Variants in SPIDR observed in about 807,000 individuals in gnomAD.
The protein encoded by SPIDR is DNA repair-scaffolding protein.
Under a neutral mutation model 104.6 loss-of-function variants are expected in SPIDR, and 93 were observed. The observed-to-expected ratio is 0.89, with a 90% CI of 0.75 to 1.06. SPIDR has a LOEUF of 1.06. Among genes scored for constraint, SPIDR ranks in the 50% least tolerant of loss-of-function variants. The probability of loss-of-function intolerance (pLI) is 0.00; values close to 1 mark genes in which losing one functional copy is unlikely to be tolerated. For missense variants in SPIDR, 1,154 were observed against 1,111.2 expected, an observed-to-expected ratio of 1.04 and a Z score of -0.55; for synonymous variants, 431 against 416.9, an observed-to-expected ratio of 1.03 and a Z score of -0.41.
chr8:47,567,189 T>C (rs1172595019), intron 8 of SPIDR, among the ~76,000 whole-genome samples: 2 of 151,800 alleles, frequency 1.3e-5, no homozygotes, highest in African/African-American at 4.8e-5. Flanking sequence ...AAATGGGGAT[T>C]ACACTGGTTT....
In SPIDR at chr8:47,280,095, C is replaced by T. The variant is rs1303210253; in HGVS notation, c.189+78C>T. 2.9e-6 allele frequency: 4 copies of T among 1,382,228 alleles called. No homozygotes were observed. In the African/African-American group the frequency reaches 5.7e-5, roughly 20 times the overall value. 85.6% of individuals were successfully genotyped at this position (1,382,228 alleles called of 1,614,324 possible). On this transcript the variant is annotated intron_variant, in intron 2 of 19. Transcript: ENST00000297423. The stretch of plus-strand genomic sequence containing the variant: ...TGTTCAGAACATTGTAATTACATTT[C>T]ATTGTAATTCCCTTTCTTATTCTTT...
chr8:47,527,224 C>G (rs1383039957), intron 8 of SPIDR, among the ~76,000 whole-genome samples: 1 of 152,092 alleles, frequency 6.6e-6, no homozygotes, highest in African/African-American at 2.4e-5. Context: ...ACTGTTTTAC[C>G]AGAGTCTGAC....
chr8:47,491,614 A>G (rs2078724266), intron 8 of SPIDR, among the ~76,000 whole-genome samples: 1 of 152,140 alleles, frequency 6.6e-6, no homozygotes, highest in Non-Finnish European at 1.5e-5. Flanking sequence ...CAAATACAGT[A>G]AACGTGCTGA....
chr8:47,582,909 C>T (rs565089489), intron 8 of SPIDR, among the ~76,000 whole-genome samples: 5 of 151,392 alleles, frequency 3.3e-5, no homozygotes, highest in African/African-American at 9.7e-5. Flanking sequence ...CACACACACA[C>T]GTATATTTTT....
intron 10 of SPIDR, chr8:47,660,865 C>G: frequency 1.3e-6 from 1 of 760,434 alleles, no homozygotes; most frequent in Non-Finnish European, 1.6e-6. Context: ...GAGAGGGAAC[C>G]CTATTTTCTT....
At chr8:47,434,187 G>A (rs782778342) in intron 7 of SPIDR, among the ~76,000 whole-genome samples, 4 of 152,192 alleles carry the variant, frequency 2.6e-5, no homozygotes, top group Non-Finnish European at 5.9e-5. Context: ...GGTAACCAGT[G>A]TTAGAGTGTT....
chr8:47,709,265 C>T (rs1434344721), intron 14 of SPIDR, among the ~76,000 whole-genome samples: 9 of 152,140 alleles, frequency 5.9e-5, no homozygotes, highest in Admixed American at 5.9e-4. Flanking sequence ...CTCCACCTCC[C>T]GAGTAGCTGG....
intron 8 of SPIDR, among the ~76,000 whole-genome samples, chr8:47,524,520 C>T (rs2084680214): frequency 1.3e-5 from 2 of 152,178 alleles, no homozygotes; most frequent in African/African-American, 4.8e-5. Flanking sequence ...CGAGGAACTG[C>T]AGGCTCTCAG....
chr8:47,327,557 C>T (rs1306765115), intron 5 of SPIDR, among the ~76,000 whole-genome samples: 1 of 151,946 alleles, frequency 6.6e-6, no homozygotes, highest in Non-Finnish European at 1.5e-5. Context: ...CGCACCAGCA[C>T]ACTTGGCTAA....
chr8:47,280,394 A>AT (rs11435263), intron 2 of SPIDR, among the ~76,000 whole-genome samples: 71,743 of 138,676 alleles, frequency 0.52, 21,616 homozygotes, highest in African/African-American at 0.85. Flanking sequence ...TGCCTGGCTA[A>AT]TTTTTTTTTT....
intron 8 of SPIDR, among the ~76,000 whole-genome samples, chr8:47,447,214 G>A (rs2154346600): frequency 6.6e-6 from 1 of 152,210 alleles, no homozygotes; most frequent in East Asian, 1.9e-4. Context: ...TTTCTGTTTT[G>A]TTTTGTTTTG....
chr8:47,538,180 A>G (rs2087302141), intron 8 of SPIDR, among the ~76,000 whole-genome samples: 1 of 152,158 alleles, frequency 6.6e-6, no homozygotes. Flanking sequence ...GTCTCAAAAT[A>G]AAAATAAAGA....
At chr8:47,692,998 A>C (rs1219233447) in intron 11 of SPIDR, among the ~76,000 whole-genome samples, 1 of 152,176 alleles carries the variant, frequency 6.6e-6, no homozygotes, top group Non-Finnish European at 1.5e-5. Flanking sequence ...TCATTTTACC[A>C]TCCCACCAGC....
intron 8 of SPIDR, among the ~76,000 whole-genome samples, chr8:47,530,043 A>G (rs995691720): frequency 6.6e-6 from 1 of 152,226 alleles, no homozygotes; most frequent in African/African-American, 2.4e-5. Flanking sequence ...CACTTATACA[A>G]GCCTAGGTGA....
intron 8 of SPIDR, among the ~76,000 whole-genome samples, chr8:47,539,555 T>C (rs1247422506): frequency 6.6e-6 from 1 of 152,216 alleles, no homozygotes; most frequent in Non-Finnish European, 1.5e-5. Context: ...TTTCAAGCAT[T>C]TCATATGTCC....
At chr8:47,531,421 T>C (rs2085973038) in intron 8 of SPIDR, among the ~76,000 whole-genome samples, 1 of 152,206 alleles carries the variant, frequency 6.6e-6, no homozygotes, top group Admixed American at 6.5e-5. Flanking sequence ...CTTGAGGAGA[T>C]GTCATTCCTT....
intron 8 of SPIDR, among the ~76,000 whole-genome samples, chr8:47,452,317 A>T (rs900228256): frequency 3.9e-5 from 6 of 152,212 alleles, no homozygotes; most frequent in Non-Finnish European, 5.9e-5. Context: ...AAGCACTGGG[A>T]TGATGTATTT....
chr8:47,489,245 A>T (rs2078243433), intron 8 of SPIDR, among the ~76,000 whole-genome samples: 2 of 152,244 alleles, frequency 1.3e-5, no homozygotes, highest in South Asian at 4.1e-4. Flanking sequence ...GTGAACTCCC[A>T]TTCACAGTTG....
chr8:47,604,253 T>A (rs1377433077), intron 10 of SPIDR, among the ~76,000 whole-genome samples: 1 of 152,048 alleles, frequency 6.6e-6, no homozygotes, highest in African/African-American at 2.4e-5. Flanking sequence ...TGAAAGAGAA[T>A]TGCTCACAGA....
Sources: gnomAD v4.1 joint callset for allele counts (sites outside exome capture counted in the v4.1 genomes callset) on GRCh38, gnomAD v4.1.1 for gene constraint, MANE v1.5 for transcripts, NCBI Gene and HGNC (gene_info 2026-07-23, HGNC 2026-07-21) for gene names.